The following GBE1 variants were observed in gnomAD, a reference collection of about 807,000 sequenced individuals.
The protein encoded by GBE1 is 1,4-alpha-glucan-branching enzyme.
Under a neutral mutation model 88.8 loss-of-function variants are expected in GBE1, and 70 were observed. The ratio of observed to expected loss-of-function variants is 0.79; its 90% confidence interval spans 0.65 to 0.96. The LOEUF is 0.96. Among genes scored for constraint, GBE1 ranks in the 40% least tolerant of loss-of-function variants. GBE1 has a pLI of 0.00. For missense variants in GBE1, 872 were observed against 871.0 expected (o/e 1.00, Z -0.01); for synonymous variants, 284 against 300.1 (o/e 0.95, Z 0.56).
chr3:81,605,619 G>A (rs1176682834), intron 7 of GBE1, among the ~76,000 whole-genome samples: 3 of 152,142 alleles, frequency 2.0e-5, no homozygotes, highest in Non-Finnish European at 2.9e-5. Flanking sequence ...TGTACTGAGT[G>A]CTTTGCATGA....
intron 2 of GBE1, among the ~76,000 whole-genome samples, chr3:81,686,573 A>G (rs1352007758): frequency 6.6e-6 from 1 of 152,082 alleles, no homozygotes; most frequent in Non-Finnish European, 1.5e-5. Context: ...CCTGACCAAC[A>G]CGGAGAAACC....
At chr3:81,585,983 A>G (rs1440276366) in intron 10 of GBE1, 109 bp downstream of exon 10, 7 of 619,188 alleles carry the variant, frequency 1.1e-5, no homozygotes, top group Non-Finnish European at 1.9e-5. Flanking sequence ...AGAATTTAAT[A>G]CTTCAATTAT....
intron 3 of GBE1, among the ~76,000 whole-genome samples, chr3:81,670,496 C>T (rs569289427): frequency 6.6e-6 from 1 of 152,300 alleles, no homozygotes; most frequent in South Asian, 2.1e-4. Flanking sequence ...TCTACATTGG[C>T]TGATTTGAAG....
At chr3:81,737,370 T>A (rs3930766) in intron 1 of GBE1, among the ~76,000 whole-genome samples, 39 of 32,596 alleles carry the variant, frequency 1.2e-3, no homozygotes, top group Non-Finnish European at 1.8e-3. Flanking sequence ...TATATATTTA[T>A]ATATATTTTT....
intron 7 of GBE1, among the ~76,000 whole-genome samples, chr3:81,595,451 G>C (rs959400567): frequency 6.6e-6 from 1 of 151,788 alleles, no homozygotes; most frequent in Non-Finnish European, 1.5e-5. Context: ...GGAAGATACA[G>C]AGAGTTCCCT....
intron 7 of GBE1, among the ~76,000 whole-genome samples, chr3:81,625,177 T>C (rs1704395556): frequency 6.6e-6 from 1 of 152,064 alleles, no homozygotes; most frequent in Non-Finnish European, 1.5e-5. Flanking sequence ...AATGCTTCAC[T>C]CCTGCCTTGA....
intron 2 of GBE1, among the ~76,000 whole-genome samples, chr3:81,681,305 CT>C (rs1705337677): frequency 6.6e-6 from 1 of 152,126 alleles, no homozygotes; most frequent in African/African-American, 2.4e-5. Context: ...TAGGGGGGCT[CT>C]TTTTAGACAG....
chr3:81,500,413 T>C lies in GBE1; in HGVS notation c.1935-1186A>G, dbSNP rs79464564. Among the ~76,000 whole-genome samples, 3 of 152,108 alleles carry C rather than the reference T, an allele frequency of 2.0e-5. No homozygotes were observed. The East Asian group carries it at 5.8e-4, about 29-fold the overall frequency. ...CAAAGACATGGCAAATAATGAAATATTGTGGAATTTAAAAAAAACTATTAA... is the reference window on the plus strand; with the variant it reads ...CAAAGACATGGCAAATAATGAAATACTGTGGAATTTAAAAAAAACTATTAA... On this transcript the variant is annotated intron_variant, in intron 14 of 15. Transcript: ENST00000429644.
At chr3:81,598,893 T>C (rs903472244) in intron 7 of GBE1, among the ~76,000 whole-genome samples, 1 of 152,018 alleles carries the variant, frequency 6.6e-6, no homozygotes, top group Non-Finnish European at 1.5e-5. Flanking sequence ...CACATAATTT[T>C]CTGGATTTTA....
intron 14 of GBE1, among the ~76,000 whole-genome samples, chr3:81,526,908 C>T (rs1455416635): frequency 2.0e-5 from 3 of 152,060 alleles, no homozygotes; most frequent in Non-Finnish European, 4.4e-5. Flanking sequence ...GCCCGCATTG[C>T]CAAGTCAATC....
intron 14 of GBE1, among the ~76,000 whole-genome samples, chr3:81,518,529 ATTCC>A (rs1415734370): frequency 1.7e-4 from 25 of 151,428 alleles, no homozygotes; most frequent in Admixed American, 1.5e-3. Context: ...TTCATCCCTA[ATTCC>A]TGGGTAGAGA....
chr3:81,512,040 G>A (rs560768898), intron 14 of GBE1, among the ~76,000 whole-genome samples: 1 of 152,054 alleles, frequency 6.6e-6, no homozygotes, highest in East Asian at 1.9e-4. Context: ...CATATCTTTT[G>A]CAGCAACATG....
intron 14 of GBE1, among the ~76,000 whole-genome samples, chr3:81,502,823 CT>C (rs772956536): frequency 3.9e-5 from 6 of 152,136 alleles, no homozygotes; most frequent in Non-Finnish European, 7.4e-5. Flanking sequence ...CTACATCATC[CT>C]TTTTCTGTGA....
At chr3:81,506,460 G>C (rs1241370557) in intron 14 of GBE1, among the ~76,000 whole-genome samples, 1 of 152,158 alleles carries the variant, frequency 6.6e-6, no homozygotes, top group Non-Finnish European at 1.5e-5. Context: ...TAGTAGGAAA[G>C]ATATATTCCT....
At chr3:81,657,465 C>A (rs1427686226) in intron 3 of GBE1, among the ~76,000 whole-genome samples, 3 of 151,994 alleles carry the variant, frequency 2.0e-5, no homozygotes, top group Non-Finnish European at 4.4e-5. Context: ...TTCATCGTAA[C>A]TGCTAGTTCA....
intron 1 of GBE1, among the ~76,000 whole-genome samples, chr3:81,713,750 C>T (rs1705903461): frequency 6.6e-6 from 1 of 152,044 alleles, no homozygotes; most frequent in African/African-American, 2.4e-5. Context: ...TTTCAAAATC[C>T]TACATAAATT....
At chr3:81,578,885 T>G (rs187117286) in intron 11 of GBE1, among the ~76,000 whole-genome samples, 1 of 152,120 alleles carries the variant, frequency 6.6e-6, no homozygotes, top group Non-Finnish European at 1.5e-5. Flanking sequence ...CTTTTCATTT[T>G]CTAGAAAAGA....
At chr3:81,688,804 TTC>T (rs1246748060) in intron 2 of GBE1, among the ~76,000 whole-genome samples, 4 of 151,572 alleles carry the variant, frequency 2.6e-5, no homozygotes, top group African/African-American at 7.2e-5. Context: ...GATCTTAATT[TTC>T]TCTTTTATGT....
At chr3:81,630,638 C>T (rs1024031265) in intron 7 of GBE1, among the ~76,000 whole-genome samples, 1 of 152,108 alleles carries the variant, frequency 6.6e-6, no homozygotes, top group Non-Finnish European at 1.5e-5. Flanking sequence ...TACACATCAA[C>T]TATTTCTGAT....
Sources: gnomAD v4.1 joint callset for allele counts (sites outside exome capture counted in the v4.1 genomes callset) on GRCh38, gnomAD v4.1.1 for gene constraint, MANE v1.5 for transcripts, NCBI Gene and HGNC (gene_info 2026-07-23, HGNC 2026-07-21) for gene names.